Variants in LRRTM3 observed in about 807,000 individuals in gnomAD.
The protein encoded by LRRTM3 is leucine rich repeat transmembrane neuronal 3, also known as leucine-rich repeat transmembrane neuronal protein 3.
LRRTM3 carries 24 observed loss-of-function variants against 44.7 expected under a neutral mutation model. The ratio of observed to expected loss-of-function variants is 0.54; its 90% CI spans 0.39 to 0.76. The LOEUF (loss-of-function observed/expected upper bound fraction) is 0.76, where lower values mean the gene tolerates loss of function less well. Ranked by LOEUF, LRRTM3 falls within the 30% of genes least tolerant of loss-of-function variation. The pLI, the probability that LRRTM3 is intolerant of heterozygous loss-of-function variation, is 0.00. For synonymous variants in LRRTM3, 277 were observed against 278.7 expected (o/e 0.99, Z 0.06); for missense variants, 587 against 702.2 (o/e 0.84, Z 1.85).
At chr10:66,977,472 C>G (rs1302990898) in intron 2 of LRRTM3, among the ~76,000 whole-genome samples, 2 of 151,874 alleles carry the variant, frequency 1.3e-5, no homozygotes, top group African/African-American at 4.8e-5. Context: ...TATGATATGA[C>G]CCTCAGCCTA....
rs1263286678 is a variant in LRRTM3, at chr10:67,098,365, A to G, written c.*569A>G. 6.6e-6 allele frequency: 1 copy of G among 152,386 alleles called. No homozygotes were observed. The highest frequency in any genetic ancestry group is 1.5e-5 in the Non-Finnish European group (1 of 67,956). The allele number at this position is 152,386 out of a possible 1,614,324, so 9.4% of individuals were successfully genotyped here. A position where few individuals can be genotyped will look rare whatever the true frequency, so the allele number is the denominator to read the frequency against. ...TATTATGCTTACTGCGTAGAATTTT[A>G]TCTACTTGTTCCAGAAATAATACAT... is the stretch of plus-strand genomic sequence containing the variant. On this transcript the variant is annotated 3_prime_UTR_variant, in exon 3 of 3. Transcript: ENST00000361320.
Position 67,100,892 on chromosome 10 carries a change from G to A in LRRTM3, c.*3096G>A, listed in dbSNP as rs1858298528. Among the ~76,000 whole-genome samples the A allele has an allele frequency of 6.6e-6, 1 of 151,668 alleles. No homozygotes were observed. Among genetic ancestry groups the A allele is most frequent in the African/African-American group, 2.4e-5 (1 of 41,350 alleles). On this transcript the variant is annotated 3_prime_UTR_variant, in exon 3 of 3. Transcript: ENST00000361320. ...TTTACAGGCTGTTAGTCTTTCCACT[G>A]TACTAAAAGATTTCTTTCTCTGATC...
At chr10:67,072,012 G>A (rs1856494135) in intron 2 of LRRTM3, among the ~76,000 whole-genome samples, 1 of 152,110 alleles carries the variant, frequency 6.6e-6, no homozygotes, top group African/African-American at 2.4e-5. Flanking sequence ...GGAGTGCTGT[G>A]CACGATCTCA....
At chr10:67,081,960 C>T (rs1857080323) in intron 2 of LRRTM3, among the ~76,000 whole-genome samples, 1 of 152,086 alleles carries the variant, frequency 6.6e-6, no homozygotes, top group Non-Finnish European at 1.5e-5. Flanking sequence ...AAACAGTATT[C>T]ATGTTTTATC....
At chr10:66,966,779 TAAA>T (rs779224135) in intron 2 of LRRTM3, among the ~76,000 whole-genome samples, 8 of 151,904 alleles carry the variant, frequency 5.3e-5, no homozygotes, top group Non-Finnish European at 1.2e-4. Flanking sequence ...AAGAAGAAAA[TAAA>T]TATGGAAAAA....
rs1181811643 is a variant in LRRTM3 at position 66,928,598 on chromosome 10, G to T, written c.1536+146G>T. The stretch of plus-strand genomic sequence containing the variant: ...TTGCTGGCAAGATCCTTCCTTGTCC[G>T]TTTTAGTGCATTCATAATACTGGTC... On this transcript the variant is annotated intron_variant, in intron 2 of 2. Transcript: ENST00000361320. The T allele has an allele frequency of 5.7e-6, 4 of 698,302 alleles. No individual in the cohort carries two copies. In the African/African-American group the frequency reaches 7.2e-5, roughly 13 times the overall value. The allele number at this position is 698,302 out of a possible 1,614,324, so 43.3% of individuals were successfully genotyped here.
At chr10:66,931,021 C>A (rs1200364093) in intron 2 of LRRTM3, among the ~76,000 whole-genome samples, 2 of 152,084 alleles carry the variant, frequency 1.3e-5, no homozygotes, top group African/African-American at 2.4e-5. Flanking sequence ...CAGTCTCCTG[C>A]TCAAAAGTTG....
At chr10:66,961,512 T>C (rs1213055775) in intron 2 of LRRTM3, among the ~76,000 whole-genome samples, 1 of 152,144 alleles carries the variant, frequency 6.6e-6, no homozygotes, top group Non-Finnish European at 1.5e-5. Flanking sequence ...AGTTCTCTTT[T>C]CCATTTCATC....
chr10:67,021,103 T>C (rs1218226878), intron 2 of LRRTM3, among the ~76,000 whole-genome samples: 3 of 152,302 alleles, frequency 2.0e-5, no homozygotes, highest in Admixed American at 6.5e-5. Flanking sequence ...ACTATTACTC[T>C]GACAGGAGGA....
rs185700834 is a variant in LRRTM3, at chr10:66,956,291, A to G, written c.1536+27839A>G. ...CAGCAAATGATTCTCAAGCTTAGTA[A>G]GGTTTGAAAACCACTGGTAAGAGTT... On this transcript the variant is annotated intron_variant, in intron 2 of 2. Transcript: ENST00000361320. Among the ~76,000 whole-genome samples, 140 of 151,740 alleles carry G rather than the reference A, an allele frequency of 9.2e-4. 1 individual carries two copies. Among genetic ancestry groups the G allele is most frequent in the African/African-American group, 3.3e-3 (137 of 41,396 alleles).
At chr10:67,061,086 T>TA (rs994470487) in intron 2 of LRRTM3, among the ~76,000 whole-genome samples, 5 of 151,840 alleles carry the variant, frequency 3.3e-5, no homozygotes, top group African/African-American at 4.8e-5. Flanking sequence ...ATTCAATCAA[T>TA]AAAAAAAACT....
At chr10:67,061,398 A>G (rs1855748013) in intron 2 of LRRTM3, among the ~76,000 whole-genome samples, 1 of 152,162 alleles carries the variant, frequency 6.6e-6, no homozygotes, top group South Asian at 2.1e-4. Flanking sequence ...TAATTTTTAG[A>G]TGTGGTATCA....
At chr10:67,079,253 G>C (rs1274774796) in intron 2 of LRRTM3, among the ~76,000 whole-genome samples, 1 of 152,148 alleles carries the variant, frequency 6.6e-6, no homozygotes, top group African/African-American at 2.4e-5. Flanking sequence ...ATAGAACAAG[G>C]GGAAGAGTCC....
chr10:66,992,460 T>C (rs1331162601), intron 2 of LRRTM3, among the ~76,000 whole-genome samples: 2 of 152,032 alleles, frequency 1.3e-5, no homozygotes, highest in Non-Finnish European at 2.9e-5. Flanking sequence ...CTTAGTATTA[T>C]CTGAATAAAA....
intron 2 of LRRTM3, among the ~76,000 whole-genome samples, chr10:67,096,201 TA>T (rs1857982299): frequency 6.6e-6 from 1 of 151,934 alleles, no homozygotes; most frequent in Admixed American, 6.6e-5. Context: ...TGATTAGTTT[TA>T]TTTTTTATTT....
chr10:67,084,747 A>T (rs1334358617), intron 2 of LRRTM3, among the ~76,000 whole-genome samples: 1 of 151,992 alleles, frequency 6.6e-6, no homozygotes, highest in African/African-American at 2.4e-5. Context: ...CATAAGATTA[A>T]GCTTTTTCAT....
chr10:67,003,901 T>G (rs756757116), intron 2 of LRRTM3, among the ~76,000 whole-genome samples: 16 of 152,182 alleles, frequency 1.1e-4, no homozygotes, highest in Non-Finnish European at 1.9e-4. Flanking sequence ...GAGAATAAAC[T>G]GTGAGACTAT....
chr10:67,074,110 A>T (rs1856610451), intron 2 of LRRTM3, among the ~76,000 whole-genome samples: 1 of 133,480 alleles, frequency 7.5e-6, no homozygotes, highest in African/African-American at 2.9e-5. Flanking sequence ...ATCTTGGCTC[A>T]TTACAACCTC....
chr10:66,949,203 T>C (rs1168166638), intron 2 of LRRTM3, among the ~76,000 whole-genome samples: 1 of 152,204 alleles, frequency 6.6e-6, no homozygotes, highest in African/African-American at 2.4e-5. Context: ...AAATCAATAA[T>C]AAATTTACTG....
Sources: allele counts gnomAD v4.1 joint callset (sites outside exome capture counted in the v4.1 genomes callset), GRCh38; gene constraint gnomAD v4.1.1; transcripts MANE v1.5; gene names NCBI Gene and HGNC (gene_info 2026-07-23, HGNC 2026-07-21).